REPS2: variants seen among roughly 807,000 people sequenced by gnomAD.
The protein encoded by REPS2 is ralBP1-associated Eps domain-containing protein 2.
In REPS2, 23 loss-of-function variants were observed where a neutral mutation model predicts 53.6. The ratio of observed to expected loss-of-function variants is 0.43; its 90% CI spans 0.31 to 0.61. The LOEUF (loss-of-function observed/expected upper bound fraction) is 0.61, where lower values mean the gene tolerates loss of function less well. REPS2 is among the 20% of genes least tolerant of loss of function. The probability of loss-of-function intolerance (pLI) is 0.11; values close to 1 mark genes in which losing one functional copy is unlikely to be tolerated. For missense variants in REPS2, 446 were observed against 534.9 expected, an observed-to-expected ratio of 0.83 and a Z score of 1.64; for synonymous variants, 238 against 218.6, an observed-to-expected ratio of 1.09 and a Z score of -0.78.
chrX:17,045,573 G>A (rs989220735), intron 5 of REPS2, among the ~76,000 whole-genome samples: 2 of 107,894 alleles, frequency 1.9e-5, no homozygotes, highest in Non-Finnish European at 3.8e-5. Flanking sequence ...TTTGATTTAC[G>A]TTTAGTAGAA....
chrX:17,001,507 G>T (rs1468134526), intron 1 of REPS2, among the ~76,000 whole-genome samples: 1 of 112,434 alleles, frequency 8.9e-6, no homozygotes, highest in Non-Finnish European at 1.9e-5. Context: ...ATGATTCAGT[G>T]TCATTAAGAA....
chrX:17,002,705 C>T (rs1448322215), intron 1 of REPS2, among the ~76,000 whole-genome samples: 2 of 111,888 alleles, frequency 1.8e-5, no homozygotes, highest in Non-Finnish European at 3.8e-5. Context: ...TTGACACCTC[C>T]TGGGGCTGTG....
chrX:17,181,240 A>G, the REPS2 span, among the ~76,000 whole-genome samples: 3 of 112,436 alleles, frequency 2.7e-5, no homozygotes, highest in African/African-American at 9.7e-5. Flanking sequence ...AAGGGAAATT[A>G]TCGTGGACAA....
At chrX:17,013,624 CTGTGTGTG>C (rs10559340) in intron 2 of REPS2, among the ~76,000 whole-genome samples, 19,536 of 99,911 alleles carry the variant, frequency 0.2, 1,553 homozygotes, top group Admixed American at 0.26. Flanking sequence ...GTAGCTGGCT[CTGTGTGTG>C]TGTGTGTGTG....
intron 11 of REPS2, among the ~76,000 whole-genome samples, chrX:17,072,468 C>T (rs370567594): frequency 1.8e-5 from 2 of 111,530 alleles, no homozygotes; most frequent in East Asian, 5.7e-4. Flanking sequence ...TCCACACCCT[C>T]ACCCCATCTG....
intron 4 of REPS2, among the ~76,000 whole-genome samples, chrX:17,026,146 T>C (rs950751027): frequency 8.9e-6 from 1 of 112,215 alleles, no homozygotes; most frequent in Non-Finnish European, 1.9e-5. Context: ...TGTGGGTTTC[T>C]GTGACTAGCT....
At chrX:17,028,880 T>C (rs1285775895) in intron 4 of REPS2, among the ~76,000 whole-genome samples, 5 of 112,037 alleles carry the variant, frequency 4.5e-5, no homozygotes, top group African/African-American at 1.6e-4. Context: ...CCCTGCCATA[T>C]TGGTAAGGTC....
At chrX:16,990,874 A>G (rs2061154704) in intron 1 of REPS2, among the ~76,000 whole-genome samples, 1 of 111,213 alleles carries the variant, frequency 9.0e-6, no homozygotes, top group South Asian at 3.8e-4. Flanking sequence ...TATTTAAGAA[A>G]AAGAACCCCA....
At chrX:17,073,324 C>T (rs763903306) in intron 11 of REPS2, among the ~76,000 whole-genome samples, 1 of 112,278 alleles carries the variant, frequency 8.9e-6, no homozygotes, top group African/African-American at 3.2e-5. Context: ...ATGTTTGTAA[C>T]ACCTGAGCAT....
the REPS2 span, among the ~76,000 whole-genome samples, chrX:17,187,324 C>A: frequency 1.8e-5 from 2 of 111,808 alleles, no homozygotes; most frequent in Non-Finnish European, 3.8e-5. Flanking sequence ...GCTGCAGGGA[C>A]CAGGGCACAC....
intron 1 of REPS2, among the ~76,000 whole-genome samples, chrX:16,970,315 G>A (rs1423061410): frequency 1.8e-5 from 2 of 109,867 alleles, no homozygotes; most frequent in Non-Finnish European, 3.8e-5. Context: ...TCCTGTCTCA[G>A]CCTCCTGAGT....
chrX:17,135,230 T>G (rs751090812), intron 15 of REPS2, 31 bp from the exon 16 acceptor site: 1 of 1,190,356 alleles, frequency 8.4e-7, no homozygotes, highest in Non-Finnish European at 1.1e-6. Flanking sequence ...ATGTTTAACT[T>G]TTTAATTTTT....
Position 17,074,151 on chromosome X carries a change from A to G in REPS2, c.1371A>G (p.Pro457=), listed in dbSNP as rs747755239. Residue 457 remains proline, a synonymous_variant, in exon 12 of 18, where the codon CCA becomes CCG. Coordinates refer to ENST00000357277, the MANE Select transcript of REPS2 (RefSeq NM_004726.3). ...ATTCCAACAGTCTCAAAGCAAGACC[A>G]AGATCCAGGTAGTGTTCGTTTAATT... The part of the protein sequence containing the change: ...PKDSNSLKAR[P]RSRSYSSTSI... 1 of 1,209,291 alleles carries G rather than the reference A, an allele frequency of 8.3e-7. No individual in the cohort carries two copies. The highest frequency in any genetic ancestry group is 1.1e-6 in the Non-Finnish European group (1 of 893,518).
At chrX:17,062,705 A>T (rs1158293961) in intron 9 of REPS2, among the ~76,000 whole-genome samples, 173 bp downstream of exon 9, 1 of 111,812 alleles carries the variant, frequency 8.9e-6, no homozygotes, top group Non-Finnish European at 1.9e-5. Context: ...AGCCTTTCAG[A>T]TCTAGACACC....
intron 1 of REPS2, among the ~76,000 whole-genome samples, chrX:16,970,235 C>T (rs1310950371): frequency 3.7e-5 from 4 of 107,083 alleles, no homozygotes; most frequent in African/African-American, 6.9e-5. Flanking sequence ...CTCCCTCTGT[C>T]ACCCAGGCTG....
chrX:16,983,257 T>TTGGCAA lies in REPS2; in HGVS notation c.274-22959_274-22954dup, dbSNP rs113559947. On this transcript the variant is annotated intron_variant, in intron 1 of 17. Transcript: ENST00000357277. The stretch of plus-strand genomic sequence containing the variant: ...TTTTTTGGTAATTATGTGACAGAGC[T>TTGGCAA]TGGCAATGGCTCTGAGGTCTTCCCT... 5.3e-3 allele frequency among the ~76,000 whole-genome samples: 593 copies of TTGGCAA among 112,142 alleles called. 5 individuals are homozygous for TTGGCAA. The highest frequency in any genetic ancestry group is 0.018 in the African/African-American group (569 of 30,895).
chrX:17,088,281 T>A (rs1252025590), intron 13 of REPS2, among the ~76,000 whole-genome samples: 1 of 111,767 alleles, frequency 8.9e-6, no homozygotes, highest in African/African-American at 3.3e-5. Context: ...TTAGGAGGAA[T>A]GCATTTGTGT....
At chrX:17,181,034 A>T in the REPS2 span, among the ~76,000 whole-genome samples, 1 of 111,897 alleles carries the variant, frequency 8.9e-6, no homozygotes, top group Non-Finnish European at 1.9e-5. Flanking sequence ...TCTCCCACTC[A>T]GTTCTTCCTT....
intron 1 of REPS2, among the ~76,000 whole-genome samples, chrX:16,965,170 G>A (rs1230446372): frequency 2.5e-4 from 24 of 96,870 alleles, no homozygotes; most frequent in African/African-American, 8.1e-4. Flanking sequence ...CGGACAGGGC[G>A]GCTGGCAGGG....
Sources: allele counts gnomAD v4.1 joint callset (sites outside exome capture counted in the v4.1 genomes callset), GRCh38; gene constraint gnomAD v4.1.1; transcripts MANE v1.5; gene names NCBI Gene and HGNC (gene_info 2026-07-23, HGNC 2026-07-21).